WASHC4: variants seen among roughly 807,000 people sequenced by gnomAD.
WASHC4 encodes the protein WASH complex subunit 7.
WASHC4 carries 86 observed loss-of-function variants against 166.6 expected under a neutral mutation model. The observed-to-expected ratio is 0.52, with a 90% CI of 0.43 to 0.62. The LOEUF (loss-of-function observed/expected upper bound fraction) is 0.62. Among genes scored for constraint, WASHC4 ranks in the 20% least tolerant of loss-of-function variants. The pLI, the probability that WASHC4 is intolerant of heterozygous loss-of-function variation, is 0.00. For missense variants in WASHC4, 1,262 were observed against 1,382.4 expected (o/e 0.91, Z 1.38); for synonymous variants, 446 against 451.6 (o/e 0.99, Z 0.16).
intron 7 of WASHC4, 43 bp from the exon 8 acceptor site, chr12:105,120,512 C>A (rs1368376751): frequency 2.5e-6 from 3 of 1,218,668 alleles, no homozygotes; most frequent in Non-Finnish European, 3.7e-6. Context: ...TAAACTATGA[C>A]AAAAAGGAAG....
intron 6 of WASHC4, among the ~76,000 whole-genome samples, chr12:105,116,353 AT>A (rs1406800860): frequency 1.3e-5 from 2 of 152,218 alleles, no homozygotes; most frequent in African/African-American, 4.8e-5. Flanking sequence ...GCATGCTAAC[AT>A]ACTGTTCAAA....
chr12:105,108,040 C>T (rs1018096982), intron 1 of WASHC4, among the ~76,000 whole-genome samples, 179 bp downstream of exon 1: 2 of 152,192 alleles, frequency 1.3e-5, no homozygotes, highest in African/African-American at 4.8e-5. Context: ...GTTGGGGTCC[C>T]AGCCACGGCG....
At position 105,152,471 on chromosome 12, in the gene WASHC4, T is replaced by C. The variant is rs1245051236; in HGVS notation, c.2758+20T>C. On this transcript the variant is annotated intron_variant, in intron 26 of 32. Coordinates refer to ENST00000332180, the MANE Select transcript of WASHC4 (RefSeq NM_015275.3). Reference sequence around the variant, plus strand: ...AGATTGGTAAGTTATGATAAAAGTGTTGGGAAATCAGGTACAGATCCCTAC... The same window carrying C: ...AGATTGGTAAGTTATGATAAAAGTGCTGGGAAATCAGGTACAGATCCCTAC... 3.0e-6 allele frequency: 4 copies of C among 1,326,490 alleles called. No individual in the cohort carries two copies. In the South Asian group the frequency reaches 4.7e-5, roughly 16 times the overall value. The allele number at this position is 1,326,490 out of a possible 1,614,324, so 82.2% of individuals were successfully genotyped here. A position where few individuals can be genotyped will look rare whatever the true frequency, so the allele number is the denominator to read the frequency against.
intron 24 of WASHC4, chr12:105,148,006 A>G: frequency 1.0e-6 from 1 of 985,334 alleles, no homozygotes; most frequent in Non-Finnish European, 1.2e-6. Context: ...GAAGTCTTTG[A>G]ATTTACCTGG....
chr12:105,162,507 T>TGAG (rs1884560939), intron 29 of WASHC4, among the ~76,000 whole-genome samples: 2 of 152,196 alleles, frequency 1.3e-5, no homozygotes, highest in African/African-American at 2.4e-5. Context: ...AAGTAGTGAT[T>TGAG]GAGGGAGTGC....
chr12:105,114,472 AG>A (rs1879985283), intron 4 of WASHC4, 45 bp downstream of exon 4: 1 of 1,228,298 alleles, frequency 8.1e-7, no homozygotes, highest in South Asian at 1.3e-5. Context: ...AACATCATTT[AG>A]AAGCAAGTAT....
chr12:105,143,550 C>A (rs1246547412), intron 20 of WASHC4, among the ~76,000 whole-genome samples: 1 of 151,924 alleles, frequency 6.6e-6, no homozygotes, highest in African/African-American at 2.4e-5. Flanking sequence ...TGCTAATGGT[C>A]CAGTTAAAGC....
At chr12:105,144,491 T>C in intron 21 of WASHC4, 36 bp downstream of exon 21, 4 of 1,498,918 alleles carry the variant, frequency 2.7e-6, no homozygotes, top group South Asian at 1.2e-5. Context: ...AGTCATATTC[T>C]CTTTTTTTTT....
chr12:105,149,773 G>T, intron 25 of WASHC4, 24 bp downstream of exon 25: 1 of 1,581,952 alleles, frequency 6.3e-7, no homozygotes, highest in African/African-American at 1.3e-5. Flanking sequence ...TCTTTTTAAG[G>T]TATTTGATTA....
intron 15 of WASHC4, among the ~76,000 whole-genome samples, chr12:105,139,477 G>A (rs560057223): frequency 2.6e-5 from 3 of 117,484 alleles, no homozygotes; most frequent in East Asian, 4.9e-4. Context: ...CAATACATTA[G>A]AAAATTACAT....
rs1463908687 is a variant in WASHC4 at position 105,107,747 on chromosome 12, C to T, written c.-54C>T. 9.0e-6 allele frequency: 12 copies of T among 1,335,304 alleles called. No individual in the cohort carries two copies. The highest frequency in any genetic ancestry group is 1.5e-5 in the African/African-American group (1 of 68,392). The allele number at this position is 1,335,304 out of a possible 1,614,324, so 82.7% of individuals were successfully genotyped here. On this transcript the variant is annotated 5_prime_UTR_variant, in exon 1 of 33. Coordinates refer to ENST00000332180, the MANE Select transcript of WASHC4 (RefSeq NM_015275.3). ...TGCTGTGACAGTAGCTGGGGTGAGG[C>T]CGTCGTCGCCGCACGGGCTGGTTGG...
chr12:105,168,372 T>C lies in WASHC4; in HGVS notation c.*1441T>C, dbSNP rs191815428. On this transcript the variant is annotated 3_prime_UTR_variant, in exon 33 of 33. Coordinates refer to ENST00000332180, the MANE Select transcript of WASHC4 (RefSeq NM_015275.3). The stretch of plus-strand genomic sequence containing the variant: ...GATTAAAGGCATTTAATATTTGTAA[T>C]TCATAATAACTGTAGAAATGGCCCT... 2 of 152,642 alleles carry C rather than the reference T, an allele frequency of 1.3e-5. No homozygotes were observed. The highest frequency in any genetic ancestry group is 1.3e-4 in the Admixed American group (2 of 15,288). 9.5% of individuals were successfully genotyped at this position (152,642 alleles called of 1,614,324 possible). A position where few individuals can be genotyped will look rare whatever the true frequency, so the allele number is the denominator to read the frequency against.
rs117099525 is a variant in WASHC4 at position 105,152,712 on chromosome 12, C to G, written c.2758+261C>G. ...TATTTAATAACTAAATCTCAAAGGTCATATTAATAATTGTAAACTGGTAAG... is the reference window on the plus strand; with the variant it reads ...TATTTAATAACTAAATCTCAAAGGTGATATTAATAATTGTAAACTGGTAAG... On this transcript the variant is annotated intron_variant, in intron 26 of 32. Transcript: ENST00000332180. 1.7e-3 allele frequency among the ~76,000 whole-genome samples: 254 copies of G among 152,246 alleles called. 8 individuals are homozygous for G. The East Asian group carries it at 0.04, about 24-fold the overall frequency.
At position 105,125,145 on chromosome 12, in the gene WASHC4, G is replaced by A. The variant is rs116639678; in HGVS notation, c.787-859G>A. Among the ~76,000 whole-genome samples the A allele has an allele frequency of 7.2e-3, 1,099 of 152,262 alleles. 18 individuals carry two copies. Among genetic ancestry groups the A allele is most frequent in the African/African-American group, 0.025 (1,018 of 41,544 alleles). On this transcript the variant is annotated intron_variant, in intron 10 of 32. Transcript: ENST00000332180. ...TTAGTTTATGTTTTACATGATCACA[G>A]TTTTTAACCGATTGATCTCAACTCT...
At chr12:105,130,211 T>C (rs1592868629) in intron 13 of WASHC4, among the ~76,000 whole-genome samples, 1 of 152,204 alleles carries the variant, frequency 6.6e-6, no homozygotes, top group Non-Finnish European at 1.5e-5. Flanking sequence ...CTTAGAGAAA[T>C]GAACTTTGCC....
intron 25 of WASHC4, among the ~76,000 whole-genome samples, chr12:105,152,126 T>A (rs904995982): frequency 2.0e-5 from 3 of 152,166 alleles, no homozygotes; most frequent in Non-Finnish European, 4.4e-5. Context: ...GAAATTAGGT[T>A]AGTGGCATTG....
In WASHC4 at chr12:105,127,708, A is replaced by G. The variant is rs887283913; in HGVS notation, c.1199+419A>G. On this transcript the variant is annotated intron_variant, in intron 13 of 32. Transcript: ENST00000332180. ...CTTTTTATTTTTATGAAAATAGTAT[A>G]TGCATGTATATAAAACATCAAAAAG... Among the ~76,000 whole-genome samples the G allele has an allele frequency of 2.0e-5, 3 of 152,138 alleles. No homozygotes were observed. In the South Asian group the frequency reaches 6.2e-4, roughly 31 times the overall value.
In WASHC4 at chr12:105,137,926, C is replaced by G; in HGVS notation, c.1367C>G (p.Thr456Ser). ...TATAGTATTAGTACCATTATTAAAA[C>G]CACAATGAATCTCTACATGTCCATG... ...YAYSISTIIK[T>S]TMNLYMSMQK... Residue 456 changes from threonine (T) to serine (S), a missense_variant, in exon 15 of 33, where the codon ACC (threonine) becomes AGC (serine). Transcript: ENST00000332180. The G allele has an allele frequency of 6.2e-7, 1 of 1,610,796 alleles. No individual in the cohort carries two copies. The highest frequency in any genetic ancestry group is 8.5e-7 in the Non-Finnish European group (1 of 1,177,240).
chr12:105,116,311 A>G (rs1341552605), intron 6 of WASHC4, among the ~76,000 whole-genome samples: 2 of 152,212 alleles, frequency 1.3e-5, no homozygotes, highest in African/African-American at 4.8e-5. Context: ...TCTGTTGTTG[A>G]GTACAAGATT....
Sources: allele counts gnomAD v4.1 joint callset (sites outside exome capture counted in the v4.1 genomes callset), GRCh38; gene constraint gnomAD v4.1.1; transcripts MANE v1.5; gene names NCBI Gene and HGNC (gene_info 2026-07-23, HGNC 2026-07-21).